OSBPL1A: variants seen among roughly 807,000 people sequenced by gnomAD.
The protein encoded by OSBPL1A is oxysterol binding protein like 1A, also known as oxysterol-binding protein-related protein 1.
OSBPL1A carries 80 observed loss-of-function variants against 137.1 expected under a neutral mutation model. The ratio of observed to expected loss-of-function variants is 0.58; its 90% CI spans 0.49 to 0.70. The LOEUF is 0.70. Ranked by LOEUF, OSBPL1A falls within the 30% of genes least tolerant of loss-of-function variation. OSBPL1A has a pLI of 0.00. For missense variants in OSBPL1A, 970 were observed against 1,129.4 expected, an observed-to-expected ratio of 0.86 and a Z score of 2.02; for synonymous variants, 365 against 389.7, an observed-to-expected ratio of 0.94 and a Z score of 0.75.
chr18:24,322,089 T>C (rs868207912), intron 7 of OSBPL1A, among the ~76,000 whole-genome samples: 9 of 148,288 alleles, frequency 6.1e-5, no homozygotes, highest in Middle Eastern at 3.6e-3. Context: ...ATTTTTAACA[T>C]AGAGAGAAAT....
Position 24,244,711 on chromosome 18 carries a change from T to A in OSBPL1A, c.1282-5329A>T, listed in dbSNP as rs143298049. Among the ~76,000 whole-genome samples, 5 of 152,308 alleles carry A rather than the reference T, an allele frequency of 3.3e-5. No homozygotes were observed. The East Asian group carries it at 7.7e-4, about 24-fold the overall frequency. ...CTTTCAGGCCAGAAGGCAAAATCCA[T>A]AGTGGCTATTTCCAAAGTGAATGGG... On this transcript the variant is annotated intron_variant, in intron 15 of 27. Coordinates refer to ENST00000319481, the MANE Select transcript of OSBPL1A (RefSeq NM_080597.4).
chr18:24,336,838 G>T (rs901549401), intron 5 of OSBPL1A, among the ~76,000 whole-genome samples: 1 of 152,120 alleles, frequency 6.6e-6, no homozygotes, highest in Non-Finnish European at 1.5e-5. Context: ...ACATTACTTT[G>T]CAACCACTAG....
intron 18 of OSBPL1A, among the ~76,000 whole-genome samples, chr18:24,192,718 T>C (rs2086921125): frequency 6.6e-6 from 1 of 152,088 alleles, no homozygotes. Context: ...AGATGACAAA[T>C]GCATGGAGAA....
intron 18 of OSBPL1A, among the ~76,000 whole-genome samples, chr18:24,182,164 G>C (rs745455854): frequency 6.6e-6 from 1 of 152,066 alleles, no homozygotes; most frequent in Non-Finnish European, 1.5e-5. Context: ...GTACTAGCAG[G>C]CTACTGCATA....
At chr18:24,287,086 G>T (rs2090077921) in intron 14 of OSBPL1A, among the ~76,000 whole-genome samples, 1 of 152,206 alleles carries the variant, frequency 6.6e-6, no homozygotes, top group Non-Finnish European at 1.5e-5. Flanking sequence ...AAACAAAACA[G>T]GAGAGAAGCC....
chr18:24,263,819 G>C (rs2146045421), intron 15 of OSBPL1A, among the ~76,000 whole-genome samples: 1 of 152,086 alleles, frequency 6.6e-6, no homozygotes, highest in South Asian at 2.1e-4. Context: ...TGTATTTTTA[G>C]TAGCAAAAAA....
At chr18:24,227,920 A>G (rs1257034486) in intron 16 of OSBPL1A, among the ~76,000 whole-genome samples, 1 of 152,250 alleles carries the variant, frequency 6.6e-6, no homozygotes, top group African/African-American at 2.4e-5. Flanking sequence ...ATTTATGCAC[A>G]GGATTGTGTG....
chr18:24,233,684 T>C (rs1420858636), intron 16 of OSBPL1A, among the ~76,000 whole-genome samples: 3 of 152,202 alleles, frequency 2.0e-5, no homozygotes, highest in Admixed American at 1.3e-4. Flanking sequence ...AGTCTCGCTC[T>C]GTTGCCCAGG....
At chr18:24,393,341 G>C (rs1296813764) in intron 1 of OSBPL1A, among the ~76,000 whole-genome samples, 2 of 152,248 alleles carry the variant, frequency 1.3e-5, no homozygotes, top group African/African-American at 4.8e-5. Flanking sequence ...TAGAGCTGAA[G>C]CAACTGAAAA....
intron 15 of OSBPL1A, among the ~76,000 whole-genome samples, chr18:24,242,290 A>G (rs894484007): frequency 3.9e-5 from 3 of 77,486 alleles, no homozygotes; most frequent in Non-Finnish European, 8.2e-5. Context: ...TTTAAGTATA[A>G]TTAAAACAAA....
At chr18:24,243,657 G>C (rs2088788533) in intron 15 of OSBPL1A, among the ~76,000 whole-genome samples, 1 of 152,174 alleles carries the variant, frequency 6.6e-6, no homozygotes, top group African/African-American at 2.4e-5. Context: ...GTTCTCACTT[G>C]TTCTTGAGAG....
In OSBPL1A at chr18:24,166,596, A is replaced by G; in HGVS notation, c.2642T>C (p.Met881Thr). 1 of 1,609,988 alleles carries G rather than the reference A, an allele frequency of 6.2e-7. No individual in the cohort carries two copies. Residue 881 changes from methionine (M) to threonine (T), a missense_variant, in exon 26 of 28, where the codon ATG becomes ACG. Physicochemically the swap from Met to Thr is moderately conservative, Grantham distance 81. Coordinates refer to ENST00000319481, the MANE Select transcript of OSBPL1A (RefSeq NM_080597.4). The stretch of plus-strand genomic sequence containing the variant: ...CTAGTTACCTATCTCTCCATTTTCC[A>G]TGGCTCTGATGTCAGGCCGTAACCT... ...DCRLRPDIRA[M>T]ENGEIDQASE...
chr18:24,280,834 C>T lies in OSBPL1A; in HGVS notation c.1281+8G>A, dbSNP rs755701270. 6.5e-7 allele frequency: 1 copy of T among 1,530,434 alleles called. No homozygotes were observed. The highest frequency in any genetic ancestry group is 8.8e-7 in the Non-Finnish European group (1 of 1,138,858). The allele number at this position is 1,530,434 out of a possible 1,614,324, so 94.8% of individuals were successfully genotyped here. On this transcript the variant is annotated splice_region_variant and intron_variant, in intron 15 of 27. Transcript: ENST00000319481. ...ATTATTTTACAAATTCAATTCTGAA[C>T]TACCTACCCCTTCTTGTTTGGTGAA... is the stretch of plus-strand genomic sequence containing the variant.
At chr18:24,283,956 ATG>A in intron 14 of OSBPL1A, among the ~76,000 whole-genome samples, 1 of 151,766 alleles carries the variant, frequency 6.6e-6, no homozygotes, top group Non-Finnish European at 1.5e-5. Context: ...ATATATATAT[ATG>A]TGTGTGTATA....
chr18:24,315,592 A>ATT (rs2090705528), intron 11 of OSBPL1A, among the ~76,000 whole-genome samples: 1 of 88,514 alleles, frequency 1.1e-5, no homozygotes, highest in African/African-American at 4.6e-5. Context: ...TAATCATATT[A>ATT]ATATTATTAT....
At chr18:24,223,536 C>G (rs774756873) in intron 17 of OSBPL1A, among the ~76,000 whole-genome samples, 8 of 151,986 alleles carry the variant, frequency 5.3e-5, no homozygotes, top group Non-Finnish European at 1.0e-4. Flanking sequence ...TGTATTCTTC[C>G]TTAGTGACCT....
rs2088369135 is a variant in OSBPL1A at position 24,234,165 on chromosome 18, T to G, written c.1444+5055A>C. Among the ~76,000 whole-genome samples the G allele has an allele frequency of 1.3e-5, 2 of 152,214 alleles. 1 individual carries two copies. The highest frequency in any genetic ancestry group is 2.9e-5 in the Non-Finnish European group (2 of 68,046). On this transcript the variant is annotated intron_variant, in intron 16 of 27. Transcript: ENST00000319481. ...TATATATGAAGAACCACTTTCTTCT[T>G]CTATAAAGCATTTCTATAAGCTTAT...
At chr18:24,241,689 T>C (rs1394273621) in intron 15 of OSBPL1A, among the ~76,000 whole-genome samples, 5 of 152,210 alleles carry the variant, frequency 3.3e-5, no homozygotes, top group African/African-American at 4.8e-5. Context: ...GAGTGTAAAC[T>C]AGTTCAACCA....
chr18:24,294,200 A>G (rs1012751372), intron 14 of OSBPL1A, among the ~76,000 whole-genome samples: 20 of 151,134 alleles, frequency 1.3e-4, no homozygotes, highest in African/African-American at 4.6e-4. Flanking sequence ...AGCAGTGTAC[A>G]CTACATCCAA....
Sources: gnomAD v4.1 joint callset for allele counts (sites outside exome capture counted in the v4.1 genomes callset) on GRCh38, gnomAD v4.1.1 for gene constraint, MANE v1.5 for transcripts, NCBI Gene and HGNC (gene_info 2026-07-23, HGNC 2026-07-21) for gene names.